FANCL: variants seen among roughly 807,000 people sequenced by gnomAD.
FANCL encodes the protein FA complementation group L.
Under a neutral mutation model 59.4 loss-of-function variants are expected in FANCL, and 69 were observed. The observed-to-expected ratio is 1.16, with a 90% CI of 0.96 to 1.42. The LOEUF (loss-of-function observed/expected upper bound fraction) is 1.42. Among genes scored for constraint, FANCL ranks in the 40% most tolerant of loss-of-function variants. FANCL has a pLI of 0.00. For synonymous variants in FANCL, 180 were observed against 147.1 expected (o/e 1.22, Z -1.62); for missense variants, 519 against 447.2 (o/e 1.16, Z -1.45).
intron 7 of FANCL, among the ~76,000 whole-genome samples, chr2:58,179,883 A>C (rs1687752374): frequency 6.6e-6 from 1 of 151,858 alleles, no homozygotes; most frequent in South Asian, 2.1e-4. Flanking sequence ...TTACAAGAAA[A>C]AAACAACCGT....
At chr2:58,171,818 G>T (rs1042646327) in intron 7 of FANCL, among the ~76,000 whole-genome samples, 1 of 152,220 alleles carries the variant, frequency 6.6e-6, no homozygotes, top group Non-Finnish European at 1.5e-5. Flanking sequence ...CCTCCCTCGG[G>T]AAGTGCAAAG....
chr2:58,230,597 A>C (rs76305302), intron 2 of FANCL, among the ~76,000 whole-genome samples: 1 of 152,158 alleles, frequency 6.6e-6, no homozygotes, highest in African/African-American at 2.4e-5. Flanking sequence ...TTAGTTACCT[A>C]CAAGTAGGAA....
At chr2:58,231,674 T>G (rs1332567497) in intron 2 of FANCL, among the ~76,000 whole-genome samples, 3 of 152,202 alleles carry the variant, frequency 2.0e-5, no homozygotes, top group African/African-American at 7.2e-5. Flanking sequence ...AAGCCAGGAC[T>G]GAACTGATGT....
intron 3 of FANCL, among the ~76,000 whole-genome samples, chr2:58,227,722 G>A (rs1392693976): frequency 6.6e-6 from 1 of 152,182 alleles, no homozygotes. Context: ...TGGAGGTATG[G>A]CAGGCCAGGG....
Position 58,162,854 on chromosome 2 carries a change from G to T in FANCL, c.903+12C>A. The T allele has an allele frequency of 6.2e-7, 1 of 1,605,830 alleles. No individual in the cohort carries two copies. The highest frequency in any genetic ancestry group is 1.1e-5 in the South Asian group (1 of 90,878). ...ATACTGTCTGGAATATCAAAACACT[G>T]ATAAAACTTACAGATTTTTCCAGGA... On this transcript the variant is annotated intron_variant, in intron 11 of 13. Coordinates refer to ENST00000233741, the MANE Select transcript of FANCL (RefSeq NM_018062.4).
At chr2:58,209,047 C>A (rs1173212891) in intron 5 of FANCL, among the ~76,000 whole-genome samples, 1 of 152,152 alleles carries the variant, frequency 6.6e-6, no homozygotes, top group Non-Finnish European at 1.5e-5. Flanking sequence ...TCTGTATATT[C>A]CTTCAAAGCT....
chr2:58,166,820 C>G (rs1015479218), intron 7 of FANCL, among the ~76,000 whole-genome samples: 1 of 152,166 alleles, frequency 6.6e-6, no homozygotes, highest in Non-Finnish European at 1.5e-5. Context: ...TAAGGAAAAC[C>G]CATCCCATTT....
chr2:58,171,443 C>G (rs565715795), intron 7 of FANCL, among the ~76,000 whole-genome samples: 1 of 152,052 alleles, frequency 6.6e-6, no homozygotes, highest in Non-Finnish European at 1.5e-5. Flanking sequence ...AAAATTGACA[C>G]CCTAACATCA....
intron 5 of FANCL, among the ~76,000 whole-genome samples, chr2:58,214,454 A>G (rs1021935264): frequency 6.6e-6 from 1 of 152,146 alleles, no homozygotes; most frequent in Admixed American, 6.5e-5. Context: ...CAGTATTACT[A>G]TGATCAACTA....
At chr2:58,225,864 A>T (rs994980766) in intron 4 of FANCL, among the ~76,000 whole-genome samples, 1 of 152,098 alleles carries the variant, frequency 6.6e-6, no homozygotes, top group African/African-American at 2.4e-5. Flanking sequence ...TGTTATACAT[A>T]AGTACCTTAT....
intron 5 of FANCL, among the ~76,000 whole-genome samples, chr2:58,210,896 G>C (rs533858872): frequency 4.2e-4 from 64 of 152,292 alleles, no homozygotes; most frequent in Non-Finnish European, 8.5e-4. Context: ...TGGGGAGCTA[G>C]ACCCCTGTGA....
intron 9 of FANCL, 140 bp from the exon 10 acceptor site, chr2:58,163,214 A>C: frequency 1.3e-5 from 10 of 791,768 alleles, no homozygotes; most frequent in Non-Finnish European, 8.2e-6. Context: ...AAAATTATAC[A>C]GTTCAGAATG....
At chr2:58,202,781 T>G (rs1690174703) in intron 6 of FANCL, among the ~76,000 whole-genome samples, 1 of 151,880 alleles carries the variant, frequency 6.6e-6, no homozygotes, top group African/African-American at 2.4e-5. Flanking sequence ...GTCATCAACT[T>G]GGATTAAAAT....
chr2:58,184,650 A>G (rs1688234218), intron 7 of FANCL, among the ~76,000 whole-genome samples: 1 of 152,066 alleles, frequency 6.6e-6, no homozygotes, highest in Admixed American at 6.6e-5. Flanking sequence ...ACAGAAAACA[A>G]CCCTTAAACA....
chr2:58,218,880 C>G (rs1412706391), intron 5 of FANCL, among the ~76,000 whole-genome samples: 1 of 151,376 alleles, frequency 6.6e-6, no homozygotes, highest in East Asian at 1.9e-4. Flanking sequence ...TACCTTAATA[C>G]AGATATAAAT....
intron 5 of FANCL, among the ~76,000 whole-genome samples, chr2:58,216,341 C>T (rs1340033089): frequency 6.6e-6 from 1 of 152,156 alleles, no homozygotes; most frequent in Non-Finnish European, 1.5e-5. Flanking sequence ...ATAATATCAT[C>T]TGGGGCCTCT....
At chr2:58,183,342 G>C (rs191380061) in intron 7 of FANCL, among the ~76,000 whole-genome samples, 2 of 151,678 alleles carry the variant, frequency 1.3e-5, no homozygotes, top group African/African-American at 4.8e-5. Context: ...AAAAAATTAA[G>C]TATATGGGTG....
intron 3 of FANCL, among the ~76,000 whole-genome samples, chr2:58,227,421 G>C (rs1219316884): frequency 3.3e-5 from 5 of 152,186 alleles, no homozygotes; most frequent in Admixed American, 2.0e-4. Flanking sequence ...TTTATTAAGT[G>C]CAAGTAGCTC....
rs576772468 is a variant in FANCL, at chr2:58,175,317, C to G, written c.541-9443G>C. On this transcript the variant is annotated intron_variant, in intron 7 of 13. Transcript: ENST00000233741. Reference sequence around the variant, plus strand: ...GCATCATTCTGATACCAAAGCCGGGCAGAGACACAACCAAAAAAGAGAATT... The same window carrying G: ...GCATCATTCTGATACCAAAGCCGGGGAGAGACACAACCAAAAAAGAGAATT... Among the ~76,000 whole-genome samples, 3 of 148,724 alleles carry G rather than the reference C, an allele frequency of 2.0e-5. No individual in the cohort carries two copies. The South Asian group carries it at 6.4e-4, about 32-fold the overall frequency.
Sources: gnomAD v4.1 joint callset for allele counts (sites outside exome capture counted in the v4.1 genomes callset) on GRCh38, gnomAD v4.1.1 for gene constraint, MANE v1.5 for transcripts, NCBI Gene and HGNC (gene_info 2026-07-23, HGNC 2026-07-21) for gene names.